NMT1: variants seen among roughly 807,000 people sequenced by gnomAD.
The protein encoded by NMT1 is glycylpeptide N-tetradecanoyltransferase 1.
Under a neutral mutation model 63.4 loss-of-function variants are expected in NMT1, and 12 were observed. The ratio of observed to expected loss-of-function variants is 0.19; its 90% CI spans 0.12 to 0.31. The LOEUF (loss-of-function observed/expected upper bound fraction) is 0.31, where lower values mean the gene tolerates loss of function less well. Among genes scored for constraint, NMT1 ranks in the 10% least tolerant of loss-of-function variants. The pLI is 1.00. For synonymous variants in NMT1, 228 were observed against 234.3 expected (o/e 0.97, Z 0.25); for missense variants, 432 against 634.6 (o/e 0.68, Z 3.43).
In NMT1 at chr17:45,104,719, C is replaced by T. The variant is rs1264953350; in HGVS notation, c.1333-140C>T. 11 of 1,479,464 alleles carry T rather than the reference C, an allele frequency of 7.4e-6. No homozygotes were observed. The highest frequency in any genetic ancestry group is 2.8e-5 in the African/African-American group (2 of 71,310). The allele number at this position is 1,479,464 out of a possible 1,614,324, so 91.6% of individuals were successfully genotyped here. On this transcript the variant is annotated intron_variant, in intron 10 of 11. Coordinates refer to ENST00000258960, the MANE Select transcript of NMT1 (RefSeq NM_021079.5). The surrounding 1 kb of genome is among the most constrained non-coding windows in gnomAD (Gnocchi z 4.2). ...GAACCACCCGGAGAGCGGGGATTAA[C>T]GTGGAAGCAGCGGAGCTTCTGAGGG...
chr17:45,065,956 C>G (rs2143448193), intron 1 of NMT1, among the ~76,000 whole-genome samples: 1 of 151,926 alleles, frequency 6.6e-6, no homozygotes, highest in South Asian at 2.1e-4. Context: ...AAGTGATCCT[C>G]CTGCCTTAGC....
At chr17:45,097,280 C>T in intron 6 of NMT1, 36 bp downstream of exon 6, 2 of 1,433,862 alleles carry the variant, frequency 1.4e-6, no homozygotes, top group Non-Finnish European at 2.0e-6. Flanking sequence ...CCCCACAACA[C>T]CGCCATCCTG....
At chr17:45,078,724 C>T (rs1038046546) in intron 1 of NMT1, among the ~76,000 whole-genome samples, 15 of 151,726 alleles carry the variant, frequency 9.9e-5, no homozygotes, top group African/African-American at 3.2e-4. Context: ...TATAGTTGTG[C>T]GATTTTAGCT....
chr17:45,073,227 T>G (rs1163751959), intron 1 of NMT1, among the ~76,000 whole-genome samples: 8 of 152,144 alleles, frequency 5.3e-5, no homozygotes, highest in Non-Finnish European at 1.0e-4. Context: ...GAGACCAGCC[T>G]GGCCAACATG....
chr17:45,070,864 G>C (rs1462303004), intron 1 of NMT1, among the ~76,000 whole-genome samples: 1 of 152,204 alleles, frequency 6.6e-6, no homozygotes, highest in African/African-American at 2.4e-5. Flanking sequence ...AGGGTACCTT[G>C]ATGGCAGTAC....
At chr17:45,071,021 T>A (rs2053936288) in intron 1 of NMT1, among the ~76,000 whole-genome samples, 1 of 152,236 alleles carries the variant, frequency 6.6e-6, no homozygotes, top group Non-Finnish European at 1.5e-5. Context: ...TACTGATTCA[T>A]GCCATGTCAT....
In NMT1 at chr17:45,103,091, G is replaced by A. The variant is rs1424024037; in HGVS notation, c.1134G>A (p.Gln378=). The change falls in exon 9 of 12, where the codon CAG becomes CAA. Residue 378 remains glutamine, a synonymous_variant. Coordinates refer to ENST00000258960, the MANE Select transcript of NMT1 (RefSeq NM_021079.5). The surrounding 1 kb of genome is among the most constrained non-coding windows in gnomAD (Gnocchi z 4.8). ...QEEVEHWFYP[Q]ENIIDTFVVE... ...AGGTGGAGCACTGGTTCTACCCCCA[G>A]GAGAATATCATCGACACTTTCGTGG... 5 of 1,612,690 alleles carry A rather than the reference G, an allele frequency of 3.1e-6. No homozygotes were observed. Among genetic ancestry groups the A allele is most frequent in the Non-Finnish European group, 4.2e-6 (5 of 1,178,794 alleles).
chr17:45,083,442 A>C (rs75832827), intron 2 of NMT1, among the ~76,000 whole-genome samples: 1 of 152,136 alleles, frequency 6.6e-6, no homozygotes, highest in Non-Finnish European at 1.5e-5. Flanking sequence ...CTCAAATGTT[A>C]TGCCTCAGCT....
chr17:45,094,900 C>T (rs1320015327), intron 4 of NMT1, among the ~76,000 whole-genome samples: 1 of 151,024 alleles, frequency 6.6e-6, no homozygotes, highest in Non-Finnish European at 1.5e-5. Flanking sequence ...CCAACCTCCA[C>T]CTTCCAGGTT....
rs777441673 is a variant in NMT1, at chr17:45,105,026, G to A, written c.1470+30G>A. 97 of 1,613,462 alleles carry A rather than the reference G, an allele frequency of 6.0e-5. No individual in the cohort carries two copies. The South Asian group carries it at 8.7e-4, about 14-fold the overall frequency. On this transcript the variant is annotated intron_variant, in intron 11 of 11. Transcript: ENST00000258960. The surrounding 1 kb of genome is among the most constrained non-coding windows in gnomAD (Gnocchi z 4.2). ...GCGACACATAGCCAGAGTCCAGGCTGCCCGGCCCAGGGTGTCCATGTCTCC... is the reference window on the plus strand; with the variant it reads ...GCGACACATAGCCAGAGTCCAGGCTACCCGGCCCAGGGTGTCCATGTCTCC...
chr17:45,084,978 G>T (rs959409913), intron 2 of NMT1, among the ~76,000 whole-genome samples: 9 of 151,924 alleles, frequency 5.9e-5, no homozygotes, highest in Non-Finnish European at 1.3e-4. Context: ...TTTATGCTGG[G>T]TGTGGTGGCC....
intron 8 of NMT1, among the ~76,000 whole-genome samples, chr17:45,100,125 G>C (rs763366075): frequency 1.3e-5 from 2 of 151,846 alleles, no homozygotes; most frequent in Non-Finnish European, 2.9e-5. Context: ...GTCTCATTCT[G>C]TTGCCCAGGC....
rs1431840999 is a variant in NMT1 at position 45,107,459 on chromosome 17, G to T, written c.*1820G>T. On this transcript the variant is annotated 3_prime_UTR_variant, in exon 12 of 12. Transcript: ENST00000258960. Reference sequence around the variant, plus strand: ...TTGCTCCTTGACTCCAAGAAACTGAGACCAAAGAAGCTGCTGTTCTTAGCA... The same window carrying T: ...TTGCTCCTTGACTCCAAGAAACTGATACCAAAGAAGCTGCTGTTCTTAGCA... 1 of 152,622 alleles carries T rather than the reference G, an allele frequency of 6.6e-6. No homozygotes were observed. Among genetic ancestry groups the T allele is most frequent in the African/African-American group, 2.4e-5 (1 of 41,442 alleles). 9.5% of individuals were successfully genotyped at this position (152,622 alleles called of 1,614,324 possible). A position where few individuals can be genotyped will look rare whatever the true frequency, so the allele number is the denominator to read the frequency against.
chr17:45,084,267 T>G (rs1443925334), intron 2 of NMT1, among the ~76,000 whole-genome samples: 3 of 151,678 alleles, frequency 2.0e-5, no homozygotes, highest in African/African-American at 7.3e-5. Context: ...GTTAAAGTCA[T>G]AATGGAAGAA....
chr17:45,097,354 C>G (rs2054131875), intron 6 of NMT1, 110 bp downstream of exon 6: 1 of 867,800 alleles, frequency 1.2e-6, no homozygotes, highest in Non-Finnish European at 1.9e-6. Flanking sequence ...GAGGGAAGGT[C>G]TCAGGAAGGG....
At position 45,069,251 on chromosome 17, in the gene NMT1, G is replaced by A. The variant is rs536640161; in HGVS notation, c.131+7791G>A. Among the ~76,000 whole-genome samples, 21 of 140,632 alleles carry A rather than the reference G, an allele frequency of 1.5e-4. No individual in the cohort carries two copies. In the South Asian group the frequency reaches 4.9e-3, roughly 33 times the overall value. 92.3% of individuals were successfully genotyped at this position (140,632 alleles called of 152,430 possible). On this transcript the variant is annotated intron_variant, in intron 1 of 11. Transcript: ENST00000258960. ...TGGGATTACAGGCGTGAGCCACCATGCCTGGCCAGACTTTATTTTTTATTA... is the reference window on the plus strand; with the variant it reads ...TGGGATTACAGGCGTGAGCCACCATACCTGGCCAGACTTTATTTTTTATTA...
chr17:45,099,407 A>G lies in NMT1; in HGVS notation c.887A>G (p.Tyr296Cys). ...ACAGGACATTTGTGTCCCCACAGGTATTGGCATCGGTCCCTAAACCCACGG... is the reference window on the plus strand; with the variant it reads ...ACAGGACATTTGTGTCCCCACAGGTGTTGGCATCGGTCCCTAAACCCACGG... The part of the protein sequence containing the change: ...VLPKPVGTCR[Y>C]WHRSLNPRKL... Residue 296 changes from tyrosine to cysteine, a missense_variant and splice_region_variant, in exon 8 of 12, where the codon TAT (tyrosine) becomes TGT (cysteine). Transcript: ENST00000258960. 1.2e-6 allele frequency: 2 copies of G among 1,604,432 alleles called. No individual in the cohort carries two copies. The highest frequency in any genetic ancestry group is 1.7e-6 in the Non-Finnish European group (2 of 1,171,038).
chr17:45,068,019 C>T (rs1043864161), intron 1 of NMT1, among the ~76,000 whole-genome samples: 1 of 152,196 alleles, frequency 6.6e-6, no homozygotes, highest in African/African-American at 2.4e-5. Flanking sequence ...TTAGTAACTT[C>T]AGGAGGATGC....
chr17:45,093,649 C>T (rs2054103770), intron 3 of NMT1, 36 bp from the exon 4 acceptor site: 2 of 1,584,388 alleles, frequency 1.3e-6, no homozygotes, highest in South Asian at 2.2e-5. Context: ...CCCGAGGGGG[C>T]AAAGGGTGAG....
Sources: allele counts gnomAD v4.1 joint callset (sites outside exome capture counted in the v4.1 genomes callset), GRCh38; gene constraint gnomAD v4.1.1; non-coding constraint Gnocchi (gnomAD v3.1); transcripts MANE v1.5; gene names NCBI Gene and HGNC (gene_info 2026-07-23, HGNC 2026-07-21).